TFPI: variants seen among roughly 807,000 people sequenced by gnomAD.
TFPI encodes tissue factor pathway inhibitor.
Under a neutral mutation model 34.6 loss-of-function variants are expected in TFPI, and 15 were observed. The observed-to-expected ratio is 0.43, with a 90% confidence interval of 0.29 to 0.67. The LOEUF is 0.67. Ranked by LOEUF, TFPI falls within the 30% of genes least tolerant of loss-of-function variation. The pLI is 0.15. For synonymous variants in TFPI, 105 were observed against 120.1 expected (o/e 0.87, Z 0.82); for missense variants, 301 against 364.0 (o/e 0.83, Z 1.41).
rs1175753645 is a variant in TFPI at position 187,527,505 on chromosome 2, G to A, written c.-2-23735C>T. ...GGCCGTGTGACTGCACATTTGCCAC[G>A]TACCAAATTCTAACAAGTCGGCACA... is the stretch of plus-strand genomic sequence containing the variant. On this transcript the variant is annotated intron_variant, in intron 1 of 7. Transcript: ENST00000233156. 6.6e-5 allele frequency among the ~76,000 whole-genome samples: 10 copies of A among 152,232 alleles called. No homozygotes were observed. The South Asian group carries it at 1.7e-3, about 25-fold the overall frequency.
chr2:187,513,727 G>A (rs1398957375), intron 1 of TFPI: 1 of 152,558 alleles, frequency 6.6e-6, no homozygotes, highest in East Asian at 1.9e-4. Flanking sequence ...CATAGTCCCA[G>A]GGGAAAACCC....
At chr2:187,488,413 A>C in intron 3 of TFPI, 38 bp from the exon 4 acceptor site, 1 of 1,326,496 alleles carries the variant, frequency 7.5e-7, no homozygotes, top group Non-Finnish European at 1.0e-6. Context: ...AATTGTCACA[A>C]TTTATAAAGT....
chr2:187,538,315 G>C (rs1574522051), intron 1 of TFPI, among the ~76,000 whole-genome samples: 1 of 152,202 alleles, frequency 6.6e-6, no homozygotes, highest in East Asian at 1.9e-4. Flanking sequence ...ATTCACAGTA[G>C]CAAAGACTTG....
intron 1 of TFPI, among the ~76,000 whole-genome samples, chr2:187,533,505 A>C (rs1202435113): frequency 6.6e-6 from 1 of 152,228 alleles, no homozygotes; most frequent in African/African-American, 2.4e-5. Context: ...AACAAACAGA[A>C]AGGAATAGTA....
At chr2:187,517,238 G>C (rs770379669) in intron 1 of TFPI, 1 of 152,104 alleles carries the variant, frequency 6.6e-6, no homozygotes, top group African/African-American at 2.4e-5. Flanking sequence ...TGTGGTATTA[G>C]GGTGTCAATT....
At chr2:187,468,802 C>G (rs3771060) in intron 6 of TFPI, among the ~76,000 whole-genome samples, 1 of 151,940 alleles carries the variant, frequency 6.6e-6, no homozygotes, top group East Asian at 1.9e-4. Flanking sequence ...GGTAGCACAG[C>G]TAAACTGCTT....
At chr2:187,492,341 A>G (rs1685175458) in intron 3 of TFPI, among the ~76,000 whole-genome samples, 1 of 152,166 alleles carries the variant, frequency 6.6e-6, no homozygotes, top group South Asian at 2.1e-4. Context: ...GAATTATTAT[A>G]GTTTCAGGTT....
chr2:187,483,220 C>T (rs1313606068), intron 6 of TFPI, among the ~76,000 whole-genome samples: 4 of 151,568 alleles, frequency 2.6e-5, no homozygotes, highest in African/African-American at 9.7e-5. Flanking sequence ...GATAAATGGC[C>T]AAGGTAGAGA....
intron 6 of TFPI, among the ~76,000 whole-genome samples, chr2:187,473,879 C>T (rs919235337): frequency 2.6e-5 from 4 of 151,366 alleles, no homozygotes; most frequent in Admixed American, 6.6e-5. Context: ...TGCCAGTGAA[C>T]TTAAAATTGA....
intron 1 of TFPI, among the ~76,000 whole-genome samples, chr2:187,521,896 A>G (rs549027273): frequency 6.6e-6 from 1 of 152,164 alleles, no homozygotes; most frequent in Admixed American, 6.5e-5. Flanking sequence ...CATCCTTGCC[A>G]ACATGTTACA....
At chr2:187,536,674 C>T (rs539296119) in intron 1 of TFPI, among the ~76,000 whole-genome samples, 1 of 152,138 alleles carries the variant, frequency 6.6e-6, no homozygotes, top group East Asian at 1.9e-4. Flanking sequence ...AAAACTGACA[C>T]AAGACAAGGA....
At chr2:187,478,719 G>A (rs762137417) in intron 6 of TFPI, 4 of 1,613,690 alleles carry the variant, frequency 2.5e-6, no homozygotes, top group Non-Finnish European at 3.4e-6. Context: ...AAAGAACATG[G>A]ATGCATGAAT....
intron 1 of TFPI, among the ~76,000 whole-genome samples, chr2:187,549,892 A>G (rs1043017780): frequency 6.6e-6 from 1 of 152,104 alleles, no homozygotes; most frequent in Non-Finnish European, 1.5e-5. Context: ...TAAAAAAAAA[A>G]GACAAAATAT....
intron 1 of TFPI, among the ~76,000 whole-genome samples, chr2:187,536,193 A>G (rs1218367420): frequency 6.6e-6 from 1 of 152,252 alleles, no homozygotes; most frequent in Non-Finnish European, 1.5e-5. Flanking sequence ...AAACTATTCC[A>G]AACAATAGAA....
intron 1 of TFPI, among the ~76,000 whole-genome samples, chr2:187,520,957 T>C (rs1687339223): frequency 6.6e-6 from 1 of 152,030 alleles, no homozygotes; most frequent in Non-Finnish European, 1.5e-5. Context: ...AGTGCCTTAC[T>C]TTTTGTCACT....
chr2:187,532,280 G>A (rs1406592304), intron 1 of TFPI, among the ~76,000 whole-genome samples: 2 of 152,184 alleles, frequency 1.3e-5, no homozygotes, highest in Non-Finnish European at 2.9e-5. Flanking sequence ...TAACTTTTGA[G>A]TTGCAGGCAA....
At chr2:187,477,414 G>T (rs2105978564) in intron 6 of TFPI, among the ~76,000 whole-genome samples, 1 of 152,320 alleles carries the variant, frequency 6.6e-6, no homozygotes, top group South Asian at 2.1e-4. Context: ...TGAAAGTCAA[G>T]ATACTTCTTT....
In TFPI at chr2:187,467,833, C is replaced by T. The variant is rs760844343; in HGVS notation, c.728G>A (p.Arg243His). 7.4e-6 allele frequency: 12 copies of T among 1,612,388 alleles called. No individual in the cohort carries two copies. Among genetic ancestry groups the T allele is most frequent in the South Asian group, 3.3e-5 (3 of 90,928 alleles). Residue 243 changes from arginine (R) to histidine (H), a missense_variant, in exon 7 of 8, where the codon CGC becomes CAC. Transcript: ENST00000233156. The stretch of plus-strand genomic sequence containing the variant: ...CCCACATCCACTGTACTTAAATGGG[C>T]GGCATTTCCCAATGACTGAATTGTA... Reference protein sequence around the residue: ...FYYNSVIGKCRPFKYSGCGGN... With the variant: ...FYYNSVIGKCHPFKYSGCGGN...
At chr2:187,509,531 G>A (rs1053136208) in intron 1 of TFPI, among the ~76,000 whole-genome samples, 1 of 152,100 alleles carries the variant, frequency 6.6e-6, no homozygotes. Flanking sequence ...ACTTGGGAGG[G>A]TGTATATGTC....
Sources: gnomAD v4.1 joint callset for allele counts (sites outside exome capture counted in the v4.1 genomes callset) on GRCh38, gnomAD v4.1.1 for gene constraint, MANE v1.5 for transcripts, NCBI Gene and HGNC (gene_info 2026-07-23, HGNC 2026-07-21) for gene names.